The following ARB2A variants were observed in gnomAD, a reference collection of about 807,000 sequenced individuals.
The protein encoded by ARB2A is ARB2 cotranscriptional regulator A, also known as cotranscriptional regulator ARB2A.
At chr5:93,621,444 A>G in the ARB2A span, among the ~76,000 whole-genome samples, 1 of 151,788 alleles carries the variant, frequency 6.6e-6, no homozygotes. Context: ...CCCTCTCCCA[A>G]CGCGGGGACG....
the ARB2A span, among the ~76,000 whole-genome samples, chr5:93,847,081 A>G: frequency 5.9e-5 from 9 of 152,210 alleles, no homozygotes; most frequent in African/African-American, 1.4e-4. Context: ...TGTTCACAGC[A>G]TCTTCAGCAG....
At chr5:93,937,438 T>TA in the ARB2A span, among the ~76,000 whole-genome samples, 1,351 of 140,922 alleles carry the variant, frequency 9.6e-3, 17 homozygotes, top group African/African-American at 0.029. Flanking sequence ...CCATCTCTAT[T>TA]AAAAAAAAAA....
chr5:94,067,461 T>C, the ARB2A span, among the ~76,000 whole-genome samples: 1 of 152,178 alleles, frequency 6.6e-6, no homozygotes, highest in South Asian at 2.1e-4. Flanking sequence ...AATAAACTTG[T>C]AGCTCTTATA....
At chr5:93,696,766 T>A in the ARB2A span, among the ~76,000 whole-genome samples, 2 of 152,006 alleles carry the variant, frequency 1.3e-5, no homozygotes, top group Admixed American at 6.6e-5. Context: ...CTGTCTTTTT[T>A]AAAAAGGACA....
the ARB2A span, among the ~76,000 whole-genome samples, chr5:93,761,468 C>T: frequency 1.3e-5 from 2 of 152,194 alleles, no homozygotes; most frequent in African/African-American, 4.8e-5. Flanking sequence ...GCTAGCACAG[C>T]AGTCTGAGAT....
the ARB2A span, among the ~76,000 whole-genome samples, chr5:93,925,165 A>G: frequency 1.3e-5 from 2 of 152,182 alleles, no homozygotes; most frequent in Non-Finnish European, 2.9e-5. Context: ...TTAATTTTGT[A>G]TCTATTGGTT....
At chr5:94,111,156 AGAAAAAAAAAT>A in the ARB2A span, among the ~76,000 whole-genome samples, 2 of 152,144 alleles carry the variant, frequency 1.3e-5, no homozygotes, top group Admixed American at 1.3e-4. Flanking sequence ...TACTTTTTGT[AGAAAAAAAAAT>A]TAATACAACA....
At chr5:93,986,283 TG>T in the ARB2A span, among the ~76,000 whole-genome samples, 2 of 146,804 alleles carry the variant, frequency 1.4e-5, no homozygotes, top group African/African-American at 2.6e-5. Flanking sequence ...ATCTGGGAGG[TG>T]GGGGGCGCCC....
At chr5:93,810,358 T>C in the ARB2A span, among the ~76,000 whole-genome samples, 35 of 152,152 alleles carry the variant, frequency 2.3e-4, no homozygotes, top group African/African-American at 7.5e-4. Context: ...ACCTACCTGA[T>C]AGAGTTAAAC....
chr5:93,846,968 C>A, the ARB2A span, among the ~76,000 whole-genome samples: 7 of 152,170 alleles, frequency 4.6e-5, no homozygotes, highest in African/African-American at 1.7e-4. Context: ...GCATTTTACC[C>A]ACAGTAGAAC....
At chr5:93,797,891 T>C in the ARB2A span, among the ~76,000 whole-genome samples, 1 of 152,108 alleles carries the variant, frequency 6.6e-6, no homozygotes, top group African/African-American at 2.4e-5. Context: ...AGCTTCTATA[T>C]TGTTCTTTTA....
chr5:93,668,106 A>C, the ARB2A span, among the ~76,000 whole-genome samples: 1 of 152,206 alleles, frequency 6.6e-6, no homozygotes, highest in Admixed American at 6.5e-5. Context: ...AAGCTTTTAA[A>C]AAAATTATTA....
the ARB2A span, among the ~76,000 whole-genome samples, chr5:93,947,697 C>T: frequency 2.8e-4 from 34 of 120,444 alleles, no homozygotes; most frequent in Middle Eastern, 5.4e-3. Flanking sequence ...CCCCAGAGTG[C>T]GATGTTCCCC....
chr5:93,719,871 T>C, the ARB2A span, among the ~76,000 whole-genome samples: 761 of 152,334 alleles, frequency 5.0e-3, 9 homozygotes, highest in African/African-American at 0.017. Context: ...ATTTCAGCAC[T>C]CCGAAAATTT....
chr5:93,660,145 C>T, the ARB2A span, among the ~76,000 whole-genome samples: 4 of 151,692 alleles, frequency 2.6e-5, no homozygotes, highest in African/African-American at 9.7e-5. Flanking sequence ...TTATTGAATA[C>T]TCACTATGCT....
At chr5:93,900,212 T>G in the ARB2A span, among the ~76,000 whole-genome samples, 180 of 152,290 alleles carry the variant, frequency 1.2e-3, 1 homozygote, top group African/African-American at 4.2e-3. Flanking sequence ...AATACTATTT[T>G]GGGTCTTTTT....
the ARB2A span, chr5:93,784,200 A>G: frequency 7.7e-6 from 4 of 519,448 alleles, no homozygotes; most frequent in Admixed American, 1.0e-4. Context: ...GCTTTCAAAA[A>G]TATTAGGTCT....
chr5:93,772,744 G>A, the ARB2A span, among the ~76,000 whole-genome samples: 1 of 152,158 alleles, frequency 6.6e-6, no homozygotes, highest in African/African-American at 2.4e-5. Context: ...TGGACCTCAG[G>A]TCCTCCCTGG....
chr5:93,772,467 T>TA, the ARB2A span, among the ~76,000 whole-genome samples: 1 of 151,758 alleles, frequency 6.6e-6, no homozygotes, highest in African/African-American at 2.4e-5. Context: ...AATAATAAAA[T>TA]AAAAAAATTT....
Sources: gnomAD v4.1 joint callset for allele counts (sites outside exome capture counted in the v4.1 genomes callset) on GRCh38, gnomAD v4.1.1 for gene constraint, MANE v1.5 for transcripts, NCBI Gene and HGNC (gene_info 2026-07-23, HGNC 2026-07-21) for gene names.